USP34: variants seen among roughly 807,000 people sequenced by gnomAD.
USP34 encodes the protein ubiquitin specific peptidase 34, also known as ubiquitin carboxyl-terminal hydrolase 34.
USP34 carries 70 observed loss-of-function variants against 460.3 expected under a neutral mutation model. The observed-to-expected ratio is 0.15, with a 90% CI of 0.13 to 0.19. The LOEUF is 0.19. Among genes scored for constraint, USP34 ranks in the 10% least tolerant of loss-of-function variants. The pLI, the probability that USP34 is intolerant of heterozygous loss-of-function variation, is 1.00. For synonymous variants in USP34, 1,647 were observed against 1,405.3 expected (o/e 1.17, Z -3.85); for missense variants, 3,985 against 4,236.2 (o/e 0.94, Z 1.65).
intron 8 of USP34, among the ~76,000 whole-genome samples, chr2:61,377,094 G>A (rs1692820952): frequency 6.6e-6 from 1 of 152,178 alleles, no homozygotes; most frequent in Admixed American, 6.5e-5. Context: ...AATATTGCCA[G>A]AGATGAATAA....
intron 49 of USP34, among the ~76,000 whole-genome samples, chr2:61,247,295 T>C (rs933352560): frequency 1.3e-5 from 2 of 152,192 alleles, no homozygotes; most frequent in African/African-American, 4.8e-5. Context: ...CAGTCTGAAC[T>C]GGAACATGAA....
At chr2:61,220,201 A>T in intron 67 of USP34, 109 bp downstream of exon 67, 1 of 694,362 alleles carries the variant, frequency 1.4e-6, no homozygotes, top group Non-Finnish European at 2.1e-6. Context: ...CATCTCCAAG[A>T]ATTTCGTAGT....
intron 27 of USP34, among the ~76,000 whole-genome samples, chr2:61,306,070 A>C (rs184924618): frequency 1.6e-4 from 24 of 151,014 alleles, no homozygotes; most frequent in East Asian, 5.9e-4. Context: ...TGCTGTGCAG[A>C]AGCTCTTTAA....
At chr2:61,285,187 GAGC>G (rs766953098) in intron 34 of USP34, among the ~76,000 whole-genome samples, 1 of 152,018 alleles carries the variant, frequency 6.6e-6, no homozygotes, top group Non-Finnish European at 1.5e-5. Flanking sequence ...TCACACTTAA[GAGC>G]AGCAACTGTA....
At chr2:61,232,589 A>G (rs1175373865) in intron 57 of USP34, 57 bp from the exon 58 acceptor site, 4 of 1,314,318 alleles carry the variant, frequency 3.0e-6, no homozygotes, top group East Asian at 2.3e-5. Context: ...GTTACATGGG[A>G]TAACAGTCAC....
intron 1 of USP34, among the ~76,000 whole-genome samples, chr2:61,462,459 G>T (rs574499162): frequency 6.9e-6 from 1 of 145,154 alleles, no homozygotes; most frequent in Admixed American, 7.0e-5. Flanking sequence ...TGAGGCAGGA[G>T]AATTGCTTGA....
intron 33 of USP34, among the ~76,000 whole-genome samples, chr2:61,289,438 TA>T (rs1425889702): frequency 6.6e-6 from 1 of 152,088 alleles, no homozygotes; most frequent in African/African-American, 2.4e-5. Context: ...TTAGTATGTA[TA>T]AAAAATAAAA....
chr2:61,392,512 T>C (rs1258408392), intron 5 of USP34, among the ~76,000 whole-genome samples: 1 of 151,958 alleles, frequency 6.6e-6, no homozygotes, highest in African/African-American at 2.4e-5. Context: ...TTATCCCAGC[T>C]ACTAGGGAGG....
Position 61,265,550 on chromosome 2 carries a change from T to C in USP34, c.5625A>G (p.Ala1875=). ...WVMAQHMQSH[A]PYKWDYWPHE... ...GAGGCCAGTAATCCCATTTATAAGG[T>C]GCATGGGCTGCTGAAGAAAGAGGGA... The change falls in exon 43 of 80, where the codon GCA becomes GCG. Residue 1875 remains alanine (A), a synonymous_variant. Coordinates refer to ENST00000398571, the MANE Select transcript of USP34 (RefSeq NM_014709.4). 6.3e-7 allele frequency: 1 copy of C among 1,590,792 alleles called. No individual in the cohort carries two copies. Among genetic ancestry groups the C allele is most frequent in the South Asian group, 1.1e-5 (1 of 87,244 alleles).
At chr2:61,319,393 C>T (rs1041964248) in intron 21 of USP34, 66 bp from the exon 22 acceptor site, 1 of 1,230,858 alleles carries the variant, frequency 8.1e-7, no homozygotes, top group South Asian at 1.9e-5. Flanking sequence ...TTCTCTTAGG[C>T]ATGTGTATGT....
chr2:61,468,502 A>G (rs1695852787), intron 1 of USP34, among the ~76,000 whole-genome samples: 1 of 152,198 alleles, frequency 6.6e-6, no homozygotes, highest in African/African-American at 2.4e-5. Context: ...TTTAAAAAGG[A>G]AGCATCACTG....
intron 77 of USP34, 29 bp from the exon 78 acceptor site, chr2:61,190,443 A>T (rs1686602716): frequency 6.2e-7 from 1 of 1,600,670 alleles, no homozygotes; most frequent in Non-Finnish European, 8.5e-7. Context: ...AAAAATCTCC[A>T]AAAGACCAGC....
At chr2:61,207,416 T>C (rs1030246865) in intron 70 of USP34, 1 of 153,152 alleles carries the variant, frequency 6.5e-6, no homozygotes, top group Admixed American at 6.5e-5. Context: ...TTTTTTCCTA[T>C]TTTACTATAC....
chr2:61,349,421 C>CAA, intron 12 of USP34, 136 bp from the exon 13 acceptor site: 2 of 787,088 alleles, frequency 2.5e-6, no homozygotes, highest in Non-Finnish European at 3.9e-6. Flanking sequence ...GTCCCCACCA[C>CAA]CTACAGTAGT....
intron 72 of USP34, among the ~76,000 whole-genome samples, chr2:61,205,738 T>G (rs1286503226): frequency 6.6e-6 from 1 of 152,206 alleles, no homozygotes; most frequent in Non-Finnish European, 1.5e-5. Flanking sequence ...CAACCTTGCT[T>G]ACATAGGATA....
chr2:61,239,300 T>TCA (rs60152908), intron 53 of USP34, among the ~76,000 whole-genome samples: 9,234 of 132,530 alleles, frequency 0.07, 325 homozygotes, highest in Middle Eastern at 0.11. Context: ...GAGGGCCCTG[T>TCA]CACACACACA....
At chr2:61,222,798 G>T in intron 64 of USP34, 135 bp from the exon 65 acceptor site, 1 of 812,532 alleles carries the variant, frequency 1.2e-6, no homozygotes, top group Non-Finnish European at 2.0e-6. Context: ...TCAGGCTCAA[G>T]CGATCCTCCT....
intron 12 of USP34, 62 bp downstream of exon 12, chr2:61,350,198 A>G (rs1005884539): frequency 2.0e-6 from 3 of 1,507,384 alleles, no homozygotes; most frequent in Non-Finnish European, 2.7e-6. Flanking sequence ...TTAGCAGAAA[A>G]TATTTCAAAT....
chr2:61,190,697 GCACGGAAAAAACTTA>G lies in USP34; in HGVS notation c.9589-54_9589-40del, dbSNP rs749012671. The G allele has an allele frequency of 1.9e-3, 3,019 of 1,576,972 alleles. 40 individuals are homozygous for G. In the East Asian group the frequency reaches 0.038, roughly 20 times the overall value. The stretch of plus-strand genomic sequence containing the variant: ...AAGATGGTTGAGCACTTACGGTTGA[GCACGGAAAAAACTTA>G]CACGGAAAAAACTTACACAGAAAAA... On this transcript the variant is annotated intron_variant, in intron 76 of 79. Coordinates refer to ENST00000398571, the MANE Select transcript of USP34 (RefSeq NM_014709.4).
Sources: gnomAD v4.1 joint callset for allele counts (sites outside exome capture counted in the v4.1 genomes callset) on GRCh38, gnomAD v4.1.1 for gene constraint, MANE v1.5 for transcripts, NCBI Gene and HGNC (gene_info 2026-07-23, HGNC 2026-07-21) for gene names.